The following SLC16A1 variants were observed in gnomAD, a reference collection of about 807,000 sequenced individuals.
The protein encoded by SLC16A1 is monocarboxylate transporter 1.
A neutral mutation model predicts 32.2 loss-of-function variants in SLC16A1; 11 were observed. The observed-to-expected ratio is 0.34, with a 90% confidence interval of 0.21 to 0.56. SLC16A1 has a LOEUF of 0.56. Among genes scored for constraint, SLC16A1 ranks in the 20% least tolerant of loss-of-function variants. The probability of loss-of-function intolerance (pLI) is 0.87; values close to 1 mark genes in which losing one functional copy is unlikely to be tolerated. For synonymous variants in SLC16A1, 231 were observed against 226.8 expected (o/e 1.02, Z -0.17); for missense variants, 435 against 615.0 (o/e 0.71, Z 3.10).
At chr1:112,929,498 G>C (rs1649052302) in intron 1 of SLC16A1, 146 bp from the exon 2 acceptor site, 4 of 630,656 alleles carry the variant, frequency 6.3e-6, no homozygotes, top group Non-Finnish European at 1.1e-5. Flanking sequence ...AGGATCATTT[G>C]AGGCCAGGAG....
chr1:112,934,431 A>G (rs950414130), intron 1 of SLC16A1, among the ~76,000 whole-genome samples: 2 of 152,240 alleles, frequency 1.3e-5, no homozygotes, highest in East Asian at 1.9e-4. Context: ...GCAGTATGAG[A>G]TAACTTTTAG....
At chr1:112,943,670 C>A (rs2101647368) in intron 1 of SLC16A1, among the ~76,000 whole-genome samples, 1 of 151,708 alleles carries the variant, frequency 6.6e-6, no homozygotes, top group Non-Finnish European at 1.5e-5. Context: ...CGCCTGTAAT[C>A]CCAGCTTCTC....
rs1648333629 is a variant in SLC16A1, at chr1:112,911,914, G to T, written c.*1977C>A. ...TACATTCCTTATTCCCTCACCAACA[G>T]TAATCCTCATTTTTATAGAAGGTAA... On this transcript the variant is annotated 3_prime_UTR_variant, in exon 5 of 5. Transcript: ENST00000369626. The T allele has an allele frequency of 6.6e-6, 1 of 152,096 alleles. No individual in the cohort carries two copies. Among genetic ancestry groups the T allele is most frequent in the East Asian group, 1.9e-4 (1 of 5,190 alleles). The allele number at this position is 152,096 out of a possible 1,614,324, so 9.4% of individuals were successfully genotyped here.
intron 2 of SLC16A1, 108 bp from the exon 3 acceptor site, chr1:112,922,241 T>C: frequency 1.9e-6 from 2 of 1,037,566 alleles, no homozygotes; most frequent in Non-Finnish European, 2.9e-6. Flanking sequence ...CAAGCAGCAA[T>C]GATAAGAATA....
intron 4 of SLC16A1, among the ~76,000 whole-genome samples, chr1:112,916,395 G>A (rs1052760965): frequency 1.3e-5 from 2 of 150,618 alleles, no homozygotes; most frequent in Non-Finnish European, 2.9e-5. Flanking sequence ...CTACTTGGGA[G>A]GCTGAGGCAG....
chr1:112,924,540 AG>A, intron 2 of SLC16A1, among the ~76,000 whole-genome samples: 1 of 152,218 alleles, frequency 6.6e-6, no homozygotes, highest in East Asian at 1.9e-4. Flanking sequence ...TTGCTATAAA[AG>A]AATACCTGAG....
At chr1:112,928,603 A>T (rs1026467718) in intron 2 of SLC16A1, among the ~76,000 whole-genome samples, 3 of 152,180 alleles carry the variant, frequency 2.0e-5, no homozygotes, top group African/African-American at 7.2e-5. Context: ...TGCTTTTAGG[A>T]CTCATAACAT....
chr1:112,943,866 A>ATCT (rs1649597967), intron 1 of SLC16A1, among the ~76,000 whole-genome samples: 1 of 152,142 alleles, frequency 6.6e-6, no homozygotes, highest in South Asian at 2.1e-4. Context: ...TCATTTTTAA[A>ATCT]AAGTATATCA....
intron 1 of SLC16A1, among the ~76,000 whole-genome samples, chr1:112,931,343 T>G (rs1292809350): frequency 6.6e-6 from 1 of 152,030 alleles, no homozygotes; most frequent in East Asian, 1.9e-4. Context: ...ATATATATGA[T>G]GTCAAAAGAT....
In SLC16A1 at chr1:112,917,305, G is replaced by A. The variant is rs150299630; in HGVS notation, c.1101C>T (p.Phe367=). The A allele has an allele frequency of 1.5e-5, 24 of 1,614,048 alleles. No homozygotes were observed. Among genetic ancestry groups the A allele is most frequent in the African/African-American group, 1.1e-4 (8 of 74,910 alleles). The change falls in exon 4 of 5, where the codon TTC becomes TTT. Residue 367 remains phenylalanine, a synonymous_variant. Coordinates refer to ENST00000369626, the MANE Select transcript of SLC16A1 (RefSeq NM_003051.4). The surrounding 1 kb of genome is among the most constrained non-coding windows in gnomAD (Gnocchi z 4.1). ...CVYAGFFGFA[F]GWLSSVLFET... is the part of the protein sequence containing the mutation. ...CAAACAATACGGAGCTGAGCCACCC[G>A]AAGGCAAATCCAAAGAATCCCGCAT...
chr1:112,927,072 G>A (rs1393434923), intron 2 of SLC16A1, among the ~76,000 whole-genome samples: 1 of 141,492 alleles, frequency 7.1e-6, no homozygotes, highest in African/African-American at 2.7e-5. Flanking sequence ...GCTGCAGGGA[G>A]ACATGATCAT....
intron 1 of SLC16A1, among the ~76,000 whole-genome samples, chr1:112,934,284 T>C (rs1160414061): frequency 1.3e-5 from 2 of 152,232 alleles, no homozygotes; most frequent in African/African-American, 4.8e-5. Flanking sequence ...GATGTTCAAC[T>C]GCTTAAGTAA....
rs1270901838 is a variant in SLC16A1 at position 112,929,156 on chromosome 1, G to A, written c.153C>T (p.Phe51=). The change falls in exon 2 of 5, where the codon TTC becomes TTT. Residue 51 remains phenylalanine (F), a synonymous_variant. Transcript: ENST00000369626. The stretch of plus-strand genomic sequence containing the variant: ...ATGACACTTCGCTGGTGGTGGCATG[G>A]AATATACCTTCAATCTCTTTGAAGA... ...TVFFKEIEGI[F]HATTSEVSWI... 9.9e-6 allele frequency: 16 copies of A among 1,614,060 alleles called. No homozygotes were observed. The highest frequency in any genetic ancestry group is 1.2e-5 in the Non-Finnish European group (14 of 1,179,992).
chr1:112,936,313 G>A (rs1245763570), intron 1 of SLC16A1, among the ~76,000 whole-genome samples: 1 of 151,840 alleles, frequency 6.6e-6, no homozygotes, highest in Non-Finnish European at 1.5e-5. Flanking sequence ...TTCGAGACCT[G>A]CCTGGTCAAA....
At chr1:112,920,481 C>A (rs1236101924) in intron 3 of SLC16A1, among the ~76,000 whole-genome samples, 1 of 152,150 alleles carries the variant, frequency 6.6e-6, no homozygotes, top group African/African-American at 2.4e-5. Context: ...TAGCGGGCGC[C>A]TGTAATCCCG....
intron 4 of SLC16A1, among the ~76,000 whole-genome samples, 193 bp from the exon 5 acceptor site, chr1:112,914,358 G>C (rs903216176): frequency 1.3e-5 from 2 of 152,152 alleles, no homozygotes; most frequent in Non-Finnish European, 2.9e-5. Context: ...ATTTTAAGTG[G>C]CCTTTGCATA....
chr1:112,943,433 AAAG>A (rs1355072142), intron 1 of SLC16A1, among the ~76,000 whole-genome samples: 1 of 152,220 alleles, frequency 6.6e-6, no homozygotes. Flanking sequence ...GATAATAGCC[AAAG>A]AAGATCAAAT....
intron 2 of SLC16A1, chr1:112,923,574 AC>A: frequency 7.5e-7 from 1 of 1,327,956 alleles, no homozygotes; most frequent in Non-Finnish European, 1.1e-6. Flanking sequence ...GAAAATTGAT[AC>A]CAAGGCCAAT....
At chr1:112,953,756 C>T (rs1557858700) in intron 1 of SLC16A1, among the ~76,000 whole-genome samples, 1 of 152,224 alleles carries the variant, frequency 6.6e-6, no homozygotes, top group African/African-American at 2.4e-5. Context: ...CCCATCATCA[C>T]TGTCTTGCCT....
Sources: gnomAD v4.1 joint callset for allele counts (sites outside exome capture counted in the v4.1 genomes callset) on GRCh38, gnomAD v4.1.1 for gene constraint, Gnocchi (gnomAD v3.1) non-coding constraint, MANE v1.5 for transcripts, NCBI Gene and HGNC (gene_info 2026-07-23, HGNC 2026-07-21) for gene names.